The following LHFPL2 variants were observed in gnomAD, a reference collection of about 807,000 sequenced individuals.
The protein encoded by LHFPL2 is LHFPL tetraspan subfamily member 2, also known as LHFPL tetraspan subfamily member 2 protein.
In LHFPL2, 7 loss-of-function variants were observed where a neutral mutation model predicts 17.5. The observed-to-expected ratio is 0.40, with a 90% CI of 0.23 to 0.75. LHFPL2 has a LOEUF of 0.75. Ranked by LOEUF, LHFPL2 falls within the 30% of genes least tolerant of loss-of-function variation. LHFPL2 has a pLI of 0.37. For synonymous variants in LHFPL2, 134 were observed against 116.2 expected (o/e 1.15, Z -0.99); for missense variants, 241 against 294.8 (o/e 0.82, Z 1.34).
At chr5:78,633,253 C>T (rs928854682) in intron 1 of LHFPL2, among the ~76,000 whole-genome samples, 6 of 152,290 alleles carry the variant, frequency 3.9e-5, no homozygotes, top group African/African-American at 1.4e-4. Flanking sequence ...AGCTGAGCTC[C>T]CTCCAGCATC....
At chr5:78,626,147 C>T (rs528376200) in intron 2 of LHFPL2, 2 of 152,314 alleles carry the variant, frequency 1.3e-5, no homozygotes, top group East Asian at 3.9e-4. Context: ...GCACAGGGAC[C>T]CTCATAGCCC....
At chr5:78,605,818 T>C (rs1744193968) in intron 2 of LHFPL2, among the ~76,000 whole-genome samples, 1 of 152,334 alleles carries the variant, frequency 6.6e-6, no homozygotes, top group East Asian at 1.9e-4. Context: ...CATCTCTTCA[T>C]AGTACTGTCA....
intron 1 of LHFPL2, among the ~76,000 whole-genome samples, chr5:78,638,127 G>C (rs1269973279): frequency 1.3e-5 from 2 of 152,194 alleles, no homozygotes; most frequent in East Asian, 1.9e-4. Context: ...GGCCGAGGCA[G>C]GTGGATCACG....
At chr5:78,495,035 A>C (rs1754561560) in intron 4 of LHFPL2, among the ~76,000 whole-genome samples, 1 of 152,336 alleles carries the variant, frequency 6.6e-6, no homozygotes, top group African/African-American at 2.4e-5. Flanking sequence ...AAATAATGGG[A>C]TATCAAATAC....
At chr5:78,526,733 A>AT (rs1345943807) in intron 3 of LHFPL2, among the ~76,000 whole-genome samples, 1 of 152,198 alleles carries the variant, frequency 6.6e-6, no homozygotes, top group Non-Finnish European at 1.5e-5. Flanking sequence ...TTACCATGAT[A>AT]TGCTATTATT....
At chr5:78,593,990 G>A (rs937263742) in intron 2 of LHFPL2, among the ~76,000 whole-genome samples, 1 of 152,160 alleles carries the variant, frequency 6.6e-6, no homozygotes, top group Non-Finnish European at 1.5e-5. Flanking sequence ...TGCTTGTTAT[G>A]AACACTCTTC....
chr5:78,601,199 T>C (rs749580530), intron 2 of LHFPL2, among the ~76,000 whole-genome samples: 5 of 152,142 alleles, frequency 3.3e-5, no homozygotes, highest in Non-Finnish European at 7.4e-5. Flanking sequence ...AGAAATGAGG[T>C]GTCACTGAGG....
intron 2 of LHFPL2, among the ~76,000 whole-genome samples, chr5:78,619,955 G>A (rs368592669): frequency 1.4e-4 from 13 of 93,630 alleles, no homozygotes; most frequent in South Asian, 1.2e-3. Context: ...GAATAGTGCC[G>A]CAATAAACAT....
chr5:78,540,446 C>G (rs887987595), intron 3 of LHFPL2, among the ~76,000 whole-genome samples: 3 of 152,198 alleles, frequency 2.0e-5, no homozygotes, highest in African/African-American at 7.2e-5. Flanking sequence ...AAATATCAGT[C>G]ACTGATTGCA....
chr5:78,646,004 A>C (rs75642257), intron 1 of LHFPL2, among the ~76,000 whole-genome samples: 2,522 of 152,348 alleles, frequency 0.017, 63 homozygotes, highest in African/African-American at 0.057. Context: ...CAAGAGAGGC[A>C]CTTATCATGT....
At chr5:78,576,533 A>C (rs1414768451) in intron 2 of LHFPL2, among the ~76,000 whole-genome samples, 4 of 152,210 alleles carry the variant, frequency 2.6e-5, no homozygotes, top group Admixed American at 6.5e-5. Context: ...AGGGCAGTGG[A>C]GGGAGGGAAA....
intron 4 of LHFPL2, among the ~76,000 whole-genome samples, chr5:78,507,310 A>G (rs1754960266): frequency 6.6e-6 from 1 of 152,002 alleles, no homozygotes; most frequent in South Asian, 2.1e-4. Flanking sequence ...AAGCTGGGCA[A>G]CAGAATGAGA....
chr5:78,587,533 T>C (rs887028135), intron 2 of LHFPL2, among the ~76,000 whole-genome samples: 1 of 152,226 alleles, frequency 6.6e-6, no homozygotes, highest in Non-Finnish European at 1.5e-5. Flanking sequence ...ATGTAAGCCA[T>C]TATGGATAAC....
intron 2 of LHFPL2, among the ~76,000 whole-genome samples, chr5:78,584,356 G>A (rs527739261): frequency 1.2e-3 from 190 of 152,278 alleles, no homozygotes; most frequent in African/African-American, 4.1e-3. Context: ...GAGGAGAGGC[G>A]CCCTGCTTTT....
chr5:78,607,378 G>A (rs957008997), intron 2 of LHFPL2, among the ~76,000 whole-genome samples: 3 of 152,122 alleles, frequency 2.0e-5, no homozygotes, highest in Admixed American at 1.3e-4. Flanking sequence ...CTCCCAAAGT[G>A]CTGGGATTAC....
chr5:78,626,867 C>A (rs753991666), intron 2 of LHFPL2, among the ~76,000 whole-genome samples: 4 of 151,806 alleles, frequency 2.6e-5, no homozygotes, highest in Admixed American at 2.6e-4. Flanking sequence ...GATCACCCGA[C>A]GTCAGGAGTT....
chr5:78,626,902 G>T (rs1055879908), intron 2 of LHFPL2, among the ~76,000 whole-genome samples: 2 of 151,902 alleles, frequency 1.3e-5, no homozygotes, highest in African/African-American at 4.8e-5. Flanking sequence ...CCAACATGGT[G>T]AAACCCCATC....
At chr5:78,527,067 C>T (rs1009996389) in intron 3 of LHFPL2, among the ~76,000 whole-genome samples, 3 of 152,196 alleles carry the variant, frequency 2.0e-5, no homozygotes, top group African/African-American at 7.2e-5. Context: ...ATGTTAAATT[C>T]GCTTTGTCAG....
rs1755067753 is a variant in LHFPL2, at chr5:78,510,161, A to G, written c.53T>C (p.Ile18Thr). 1 of 1,611,748 alleles carries G rather than the reference A, an allele frequency of 6.2e-7. No individual in the cohort carries two copies. The highest frequency in any genetic ancestry group is 8.5e-7 in the Non-Finnish European group (1 of 1,178,616). ...AATGAGCTCGGCAAAAGCCACCACA[A>G]TACTCAGCAAGGTCCAGAGCATCGA... ...CRSMLWTLLS[I>T]VVAFAELIAF... is the part of the protein sequence containing the mutation. The change falls in exon 4 of 5, where the codon ATT becomes ACT. Residue 18 changes from isoleucine (I) to threonine (T), a missense_variant. By Grantham distance (89) the Ile-to-Thr change is moderately conservative. Coordinates refer to ENST00000380345, the MANE Select transcript of LHFPL2 (RefSeq NM_005779.3).
Sources: gnomAD v4.1 joint callset for allele counts (sites outside exome capture counted in the v4.1 genomes callset) on GRCh38, gnomAD v4.1.1 for gene constraint, MANE v1.5 for transcripts, NCBI Gene and HGNC (gene_info 2026-07-23, HGNC 2026-07-21) for gene names.